The following CEP41 variants were observed in gnomAD, a reference collection of about 807,000 sequenced individuals.
The protein encoded by CEP41 is centrosomal protein of 41 kDa.
Under a neutral mutation model 44.3 loss-of-function variants are expected in CEP41, and 32 were observed. The ratio of observed to expected loss-of-function variants is 0.72; its 90% CI spans 0.54 to 0.97. The LOEUF (loss-of-function observed/expected upper bound fraction) is 0.97, where lower values mean the gene tolerates loss of function less well. CEP41 is among the 50% of genes least tolerant of loss of function. The pLI is 0.00. For synonymous variants in CEP41, 151 were observed against 168.5 expected (o/e 0.90, Z 0.80); for missense variants, 432 against 455.2 (o/e 0.95, Z 0.46).
rs201818904 is a variant in CEP41, at chr7:130,401,945, T to C, written c.578A>G (p.Tyr193Cys). Reference sequence around the variant, plus strand: ...AGACAGAGTTGCAATTGGGTAACTGTAAGCTGCAAAGAGAAGAAAAAGTTT... The same window carrying C: ...AGACAGAGTTGCAATTGGGTAACTGCAAGCTGCAAAGAGAAGAAAAAGTTT... ...SYQQCHIVGAYSYPIATLSRT... is the reference protein window; with the variant it reads ...SYQQCHIVGACSYPIATLSRT... The change falls in exon 8 of 11, where the codon TAC becomes TGC. Residue 193 changes from tyrosine to cysteine, a missense_variant. Coordinates refer to ENST00000223208, the MANE Select transcript of CEP41 (RefSeq NM_018718.3). 1 of 1,608,186 alleles carries C rather than the reference T, an allele frequency of 6.2e-7. No individual in the cohort carries two copies. The highest frequency in any genetic ancestry group is 1.7e-5 in the Admixed American group (1 of 60,004).
chr7:130,430,744 T>C (rs951153100), intron 1 of CEP41, among the ~76,000 whole-genome samples: 15 of 152,234 alleles, frequency 9.9e-5, no homozygotes, highest in African/African-American at 3.1e-4. Context: ...GGATTTTTTT[T>C]CTGCACTCTG....
intron 2 of CEP41, among the ~76,000 whole-genome samples, chr7:130,427,273 G>GA (rs1297945522): frequency 1.8e-4 from 27 of 151,526 alleles, no homozygotes; most frequent in South Asian, 1.3e-3. Context: ...TTAAAAGGTT[G>GA]AAAAAAAACA....
intron 2 of CEP41, among the ~76,000 whole-genome samples, chr7:130,423,273 T>G (rs1383129486): frequency 3.3e-5 from 5 of 151,878 alleles, no homozygotes; most frequent in Non-Finnish European, 7.4e-5. Flanking sequence ...ACTCAACAAA[T>G]AAGAAGAAAA....
chr7:130,416,726 C>T (rs1367958124), intron 3 of CEP41, among the ~76,000 whole-genome samples, 193 bp downstream of exon 3: 1 of 152,196 alleles, frequency 6.6e-6, no homozygotes, highest in Non-Finnish European at 1.5e-5. Flanking sequence ...TTTAGGCCTA[C>T]AGGCCACAAT....
intron 5 of CEP41, among the ~76,000 whole-genome samples, chr7:130,408,103 A>G (rs544878518): frequency 1.6e-4 from 25 of 152,290 alleles, no homozygotes; most frequent in African/African-American, 6.0e-4. Context: ...TCCTTCCCCA[A>G]GGGAAGTATC....
rs1244404904 is a variant in CEP41, at chr7:130,396,052, C to T, written c.*2839G>A. ...TCGCTTTCTGCTTCTTTTCTTCTCT[C>T]TGCCCTCCCTTCTTCCCATTTCCTT... On this transcript the variant is annotated 3_prime_UTR_variant, in exon 11 of 11. Coordinates refer to ENST00000223208, the MANE Select transcript of CEP41 (RefSeq NM_018718.3). 1 of 453,914 alleles carries T rather than the reference C, an allele frequency of 2.2e-6. No homozygotes were observed. The highest frequency in any genetic ancestry group is 6.9e-5 in the East Asian group (1 of 14,406). 28.1% of individuals were successfully genotyped at this position (453,914 alleles called of 1,614,324 possible).
chr7:130,406,987 A>AAT (rs1554418334), intron 5 of CEP41, among the ~76,000 whole-genome samples: 27 of 151,176 alleles, frequency 1.8e-4, no homozygotes, highest in Non-Finnish European at 3.2e-4. Context: ...GTATATAAAA[A>AAT]ATATATATAT....
intron 10 of CEP41, 143 bp downstream of exon 10, chr7:130,399,896 C>T: frequency 1.4e-6 from 1 of 733,156 alleles, no homozygotes; most frequent in South Asian, 1.5e-5. Flanking sequence ...GGGGTCACCT[C>T]CACTGCCTCC....
At chr7:130,434,665 T>C (rs181234850) in intron 1 of CEP41, among the ~76,000 whole-genome samples, 5 of 152,316 alleles carry the variant, frequency 3.3e-5, no homozygotes, top group Admixed American at 3.3e-4. Context: ...ATCTGAAGCA[T>C]AATTTGCATG....
intron 2 of CEP41, among the ~76,000 whole-genome samples, chr7:130,418,715 T>A (rs1797412473): frequency 6.6e-6 from 1 of 152,214 alleles, no homozygotes; most frequent in African/African-American, 2.4e-5. Context: ...CACATCTTTT[T>A]TTGTTGTGTT....
At chr7:130,428,947 A>T (rs1445487055) in intron 1 of CEP41, among the ~76,000 whole-genome samples, 2 of 151,970 alleles carry the variant, frequency 1.3e-5, no homozygotes, top group Non-Finnish European at 2.9e-5. Flanking sequence ...ATAAATAAAT[A>T]ATTTCTTACA....
intron 5 of CEP41, among the ~76,000 whole-genome samples, chr7:130,407,296 A>T (rs1040546196): frequency 1.2e-4 from 16 of 132,890 alleles, no homozygotes; most frequent in South Asian, 5.1e-4. Context: ...ACACACACAC[A>T]CTCAGATCCT....
intron 10 of CEP41, chr7:130,399,365 A>G: frequency 2.7e-6 from 1 of 373,216 alleles, no homozygotes; most frequent in East Asian, 6.0e-5. Context: ...AAGAAAAGAG[A>G]AAGCAGTACG....
chr7:130,402,636 T>G lies in CEP41; in HGVS notation c.574+12A>C. 6.2e-7 allele frequency: 1 copy of G among 1,613,840 alleles called. No individual in the cohort carries two copies. Among genetic ancestry groups the G allele is most frequent in the Middle Eastern group, 1.7e-4 (1 of 6,058 alleles). On this transcript the variant is annotated intron_variant, in intron 7 of 10. Coordinates refer to ENST00000223208, the MANE Select transcript of CEP41 (RefSeq NM_018718.3). ...TTGAGAGTGAGGCACTTTAAAGCCT[T>G]CTCTCTCTTACCTCCAACAATGTGG...
intron 2 of CEP41, chr7:130,422,015 A>G: frequency 6.5e-7 from 1 of 1,535,900 alleles, no homozygotes; most frequent in Non-Finnish European, 8.7e-7. Flanking sequence ...CACCTATGGA[A>G]CAAAAGAAAT....
At chr7:130,441,368 A>G (rs542959302), upstream of CEP41, 1 of 367,360 alleles carries the variant, frequency 2.7e-6, no homozygotes, top group East Asian at 6.8e-5. Context: ...ACAACACAAG[A>G]CTCCCCATCC....
chr7:130,401,399 C>A (rs1472529901), intron 8 of CEP41, among the ~76,000 whole-genome samples: 9 of 151,868 alleles, frequency 5.9e-5, no homozygotes, highest in Non-Finnish European at 1.3e-4. Flanking sequence ...AAAAAACAAA[C>A]ACACAGAAGA....
intron 5 of CEP41, among the ~76,000 whole-genome samples, chr7:130,405,965 A>G (rs1372129993): frequency 6.6e-6 from 1 of 152,240 alleles, no homozygotes; most frequent in Non-Finnish European, 1.5e-5. Context: ...CAATCCTTTC[A>G]TTAAACCAGA....
At chr7:130,423,063 C>T (rs896774609) in intron 2 of CEP41, among the ~76,000 whole-genome samples, 1 of 152,192 alleles carries the variant, frequency 6.6e-6, no homozygotes, top group Admixed American at 6.5e-5. Context: ...TCTCCTGCCT[C>T]GGATTCCCAA....
Sources: allele counts gnomAD v4.1 joint callset (sites outside exome capture counted in the v4.1 genomes callset), GRCh38; gene constraint gnomAD v4.1.1; transcripts MANE v1.5; gene names NCBI Gene and HGNC (gene_info 2026-07-23, HGNC 2026-07-21).